Variants in MCTP2 observed in about 807,000 individuals in gnomAD.
MCTP2 encodes the protein multiple C2 and transmembrane domain containing 2, also known as multiple C2 and transmembrane domain-containing protein 2.
Under a neutral mutation model 111.6 loss-of-function variants are expected in MCTP2, and 132 were observed. The ratio of observed to expected loss-of-function variants is 1.18; its 90% CI spans 1.03 to 1.37. MCTP2 has a LOEUF of 1.37. Ranked by LOEUF, MCTP2 falls within the 40% of genes most tolerant of loss-of-function variation. The pLI is 0.00. For synonymous variants in MCTP2, 395 were observed against 387.7 expected (o/e 1.02, Z -0.22); for missense variants, 1,183 against 1,067.9 (o/e 1.11, Z -1.50).
intron 4 of MCTP2, among the ~76,000 whole-genome samples, chr15:94,325,882 C>T (rs901299068): frequency 7.4e-6 from 1 of 134,626 alleles, no homozygotes; most frequent in Non-Finnish European, 1.5e-5. Context: ...TACAGTGGCG[C>T]GATCTCGGCT....
intron 1 of MCTP2, among the ~76,000 whole-genome samples, chr15:94,243,020 T>C (rs1567248969): frequency 6.1e-5 from 6 of 98,934 alleles, no homozygotes; most frequent in African/African-American, 2.0e-4. Flanking sequence ...CACGTGTATA[T>C]GTGTATCTAC....
At chr15:94,295,418 C>T (rs2075228849) in intron 1 of MCTP2, among the ~76,000 whole-genome samples, 1 of 152,128 alleles carries the variant, frequency 6.6e-6, no homozygotes, top group African/African-American at 2.4e-5. Flanking sequence ...TATGGCTCCA[C>T]CTAACTGTTT....
At chr15:94,319,110 T>G (rs2076513905) in intron 4 of MCTP2, among the ~76,000 whole-genome samples, 1 of 151,878 alleles carries the variant, frequency 6.6e-6, no homozygotes, top group Non-Finnish European at 1.5e-5. Flanking sequence ...TCTTTCAACA[T>G]TTTTTATTTC....
intron 1 of MCTP2, among the ~76,000 whole-genome samples, chr15:94,232,720 G>A (rs1272133886): frequency 6.6e-6 from 1 of 152,158 alleles, no homozygotes; most frequent in Non-Finnish European, 1.5e-5. Context: ...CAATGGTGCT[G>A]CGCTTTGCCT....
intron 1 of MCTP2, among the ~76,000 whole-genome samples, chr15:94,243,214 T>C (rs1369891825): frequency 1.3e-5 from 2 of 148,852 alleles, no homozygotes; most frequent in Non-Finnish European, 3.0e-5. Flanking sequence ...TATATACGTA[T>C]ATACATACGT....
chr15:94,252,966 C>T (rs1205320057), intron 1 of MCTP2, among the ~76,000 whole-genome samples: 1 of 152,152 alleles, frequency 6.6e-6, no homozygotes, highest in African/African-American at 2.4e-5. Context: ...CTTCCCAGCT[C>T]ATTACAGCCT....
At chr15:94,396,490 G>A (rs2081288008) in intron 14 of MCTP2, among the ~76,000 whole-genome samples, 1 of 151,934 alleles carries the variant, frequency 6.6e-6, no homozygotes, top group South Asian at 2.1e-4. Context: ...TTATATAAAT[G>A]CTCTCATGTA....
At chr15:94,430,244 G>T (rs551085853) in intron 17 of MCTP2, among the ~76,000 whole-genome samples, 4 of 152,162 alleles carry the variant, frequency 2.6e-5, no homozygotes, top group African/African-American at 9.6e-5. Flanking sequence ...TAAAAGGCAA[G>T]GACCTTACAG....
At chr15:94,337,999 T>A (rs2077449776) in intron 4 of MCTP2, among the ~76,000 whole-genome samples, 1 of 152,146 alleles carries the variant, frequency 6.6e-6, no homozygotes, top group Non-Finnish European at 1.5e-5. Context: ...TGGAGCTAAA[T>A]AGAAATATTA....
intron 8 of MCTP2, among the ~76,000 whole-genome samples, chr15:94,351,291 C>G (rs990299479): frequency 1.3e-5 from 2 of 152,178 alleles, no homozygotes; most frequent in African/African-American, 4.8e-5. Context: ...GAAGAATTTT[C>G]CCTGGGAGCC....
At position 94,243,417 on chromosome 15, in the gene MCTP2, A is replaced by G. The variant is rs543857045; in HGVS notation, c.-66+11753A>G. Among the ~76,000 whole-genome samples, 21 of 148,980 alleles carry G rather than the reference A, an allele frequency of 1.4e-4. 2 individuals carry two copies. Among genetic ancestry groups the G allele is most frequent in the African/African-American group, 5.0e-4 (20 of 40,352 alleles). ...TATATGCGTATGTACATACATACGT[A>G]TGCGTATATGCGTATGTACATACAT... On this transcript the variant is annotated intron_variant, in intron 1 of 22. Coordinates refer to ENST00000357742, the MANE Select transcript of MCTP2 (RefSeq NM_001385001.1).
At chr15:94,434,525 TTTAGAG>T (rs2083360698) in intron 17 of MCTP2, among the ~76,000 whole-genome samples, 1 of 152,182 alleles carries the variant, frequency 6.6e-6, no homozygotes, top group African/African-American at 2.4e-5. Flanking sequence ...GTATAATCCA[TTTAGAG>T]TTAAATTTTG....
chr15:94,259,579 T>C (rs1225786885), intron 1 of MCTP2, among the ~76,000 whole-genome samples: 1 of 152,214 alleles, frequency 6.6e-6, no homozygotes, highest in Admixed American at 6.5e-5. Context: ...AATTGTGATA[T>C]GTTTGATGAT....
At chr15:94,237,915 C>G (rs370147855) in intron 1 of MCTP2, among the ~76,000 whole-genome samples, 13 of 152,248 alleles carry the variant, frequency 8.5e-5, no homozygotes, top group African/African-American at 3.1e-4. Context: ...CAAACTCAAC[C>G]AATTGTCAAT....
chr15:94,453,896 T>G (rs1046995955), intron 19 of MCTP2, among the ~76,000 whole-genome samples: 2 of 152,226 alleles, frequency 1.3e-5, no homozygotes, highest in Non-Finnish European at 2.9e-5. Context: ...AACATTATTT[T>G]AATGCATACA....
In MCTP2 at chr15:94,357,713, AT is replaced by A. The variant is rs562311609; in HGVS notation, c.1171-766del. ...TGATGCAAGAATAGTTAGTACGGGG[AT>A]TTAATACCTCACACTGCACCCCTAG... On this transcript the variant is annotated intron_variant, in intron 9 of 22. Transcript: ENST00000357742. 3.2e-3 allele frequency among the ~76,000 whole-genome samples: 489 copies of A among 152,256 alleles called. 2 individuals are homozygous for A. Among genetic ancestry groups the A allele is most frequent in the Non-Finnish European group, 5.4e-3 (367 of 68,004 alleles).
intron 17 of MCTP2, among the ~76,000 whole-genome samples, chr15:94,428,421 T>C (rs2082995739): frequency 6.6e-6 from 1 of 152,206 alleles, no homozygotes. Flanking sequence ...CTTTTAAGTG[T>C]TCCTCTTTTC....
chr15:94,459,666 T>C (rs1008132451), intron 20 of MCTP2, among the ~76,000 whole-genome samples: 1 of 152,214 alleles, frequency 6.6e-6, no homozygotes, highest in South Asian at 2.1e-4. Context: ...TATAAACATA[T>C]TTGAAAGCAA....
intron 1 of MCTP2, among the ~76,000 whole-genome samples, chr15:94,276,403 A>G (rs985408648): frequency 6.6e-6 from 1 of 152,176 alleles, no homozygotes; most frequent in Non-Finnish European, 1.5e-5. Context: ...ATTCAATTCA[A>G]TCACCAGTTA....
Sources: gnomAD v4.1 joint callset for allele counts (sites outside exome capture counted in the v4.1 genomes callset) on GRCh38, gnomAD v4.1.1 for gene constraint, MANE v1.5 for transcripts, NCBI Gene and HGNC (gene_info 2026-07-23, HGNC 2026-07-21) for gene names.